NTRK3: variants seen among roughly 807,000 people sequenced by gnomAD.
The protein encoded by NTRK3 is NT-3 growth factor receptor.
NTRK3 carries 24 observed loss-of-function variants against 91.7 expected under a neutral mutation model. The ratio of observed to expected loss-of-function variants is 0.26; its 90% CI spans 0.19 to 0.37. The LOEUF is 0.37. Among genes scored for constraint, NTRK3 ranks in the 10% least tolerant of loss-of-function variants. NTRK3 has a pLI of 1.00. For missense variants in NTRK3, 880 were observed against 1,068.9 expected (o/e 0.82, Z 2.46); for synonymous variants, 483 against 404.0 (o/e 1.20, Z -2.34).
intron 17 of NTRK3, among the ~76,000 whole-genome samples, chr15:87,903,347 G>A (rs1382208377): frequency 6.6e-6 from 1 of 152,206 alleles, no homozygotes; most frequent in Non-Finnish European, 1.5e-5. Flanking sequence ...GTCCCATCAC[G>A]AGACTAGGGC....
chr15:88,136,282 C>G (rs140487201), intron 8 of NTRK3, among the ~76,000 whole-genome samples, 185 bp downstream of exon 8: 4 of 152,210 alleles, frequency 2.6e-5, no homozygotes, highest in Non-Finnish European at 5.9e-5. Context: ...GAAGCAAAAC[C>G]TAAGTTACAG....
At chr15:87,869,063 A>C (rs2064760200) in exon 19 of NTRK3, 1 of 228,918 alleles carries the variant, frequency 4.4e-6, no homozygotes, top group African/African-American at 2.2e-5. Context: ...TATGCTGTGA[A>C]ACTGTCATCA....
At chr15:88,157,263 G>C (rs554626085) in intron 5 of NTRK3, among the ~76,000 whole-genome samples, 2 of 151,346 alleles carry the variant, frequency 1.3e-5, no homozygotes, top group Non-Finnish European at 3.0e-5. Flanking sequence ...ACCATACCAC[G>C]CACACATATT....
chr15:88,117,037 C>G (rs2052172694), intron 13 of NTRK3, among the ~76,000 whole-genome samples: 1 of 152,290 alleles, frequency 6.6e-6, no homozygotes, highest in African/African-American at 2.4e-5. Context: ...GTTCCTCAAC[C>G]TTAGCTGCAC....
intron 13 of NTRK3, among the ~76,000 whole-genome samples, chr15:88,045,807 C>G (rs1226654125): frequency 1.3e-5 from 2 of 152,244 alleles, no homozygotes; most frequent in African/African-American, 4.8e-5. Flanking sequence ...CTTCTCCGCT[C>G]ATCGCATGGC....
exon 19 of NTRK3, chr15:87,861,117 C>G (rs879478509): frequency 8.8e-6 from 2 of 226,064 alleles, no homozygotes; most frequent in Non-Finnish European, 1.8e-5. Flanking sequence ...TTGCCATAAG[C>G]CAGCTAACCC....
At chr15:88,247,963 C>G (rs574928495) in intron 3 of NTRK3, among the ~76,000 whole-genome samples, 63 of 152,242 alleles carry the variant, frequency 4.1e-4, no homozygotes, top group African/African-American at 1.5e-3. Flanking sequence ...GCTTTAGACA[C>G]CCCCCTTTTG....
intron 17 of NTRK3, among the ~76,000 whole-genome samples, chr15:87,908,330 A>T (rs534376388): frequency 6.6e-6 from 1 of 152,220 alleles, no homozygotes; most frequent in South Asian, 2.1e-4. Context: ...GGAAACTTCC[A>T]TGGAAGTTAA....
rs3825882 is a variant in NTRK3, at chr15:88,126,151, G to C, written c.1396+120C>G. On this transcript the variant is annotated intron_variant, in intron 13 of 18. Coordinates refer to ENST00000394480, the Ensembl canonical transcript of NTRK3. ...CAAACAGGAGTTTCCATCAGTACCA[G>C]TTAGACCCCATGACCGGAGGCCCTC... is the stretch of plus-strand genomic sequence containing the variant. The C allele has an allele frequency of 0.5, 380,101 of 753,346 alleles. 99,205 individuals carry two copies. The highest frequency in any genetic ancestry group is 0.75 in the African/African-American group (43,440 of 57,876). 46.7% of individuals were successfully genotyped at this position (753,346 alleles called of 1,614,324 possible).
intron 14 of NTRK3, among the ~76,000 whole-genome samples, chr15:87,992,026 T>C (rs191222918): frequency 7.9e-5 from 12 of 152,052 alleles, no homozygotes; most frequent in African/African-American, 2.9e-4. Flanking sequence ...AACCCTATTT[T>C]AGGGCCACTG....
chr15:87,963,828 A>T (rs1475687015), intron 14 of NTRK3, among the ~76,000 whole-genome samples: 1 of 152,200 alleles, frequency 6.6e-6, no homozygotes, highest in Non-Finnish European at 1.5e-5. Context: ...TATACAAAAC[A>T]GATATACCAA....
At chr15:88,065,148 G>C (rs988614846) in intron 13 of NTRK3, among the ~76,000 whole-genome samples, 9 of 152,182 alleles carry the variant, frequency 5.9e-5, no homozygotes, top group African/African-American at 2.2e-4. Context: ...ACCCATGATA[G>C]AAAGAGGGTA....
chr15:87,865,097 G>C (rs930242590), exon 19 of NTRK3: 2 of 213,660 alleles, frequency 9.4e-6, no homozygotes, highest in African/African-American at 4.5e-5. Flanking sequence ...AGCTGAGAGA[G>C]CCTGAACTTG....
intron 17 of NTRK3, among the ~76,000 whole-genome samples, chr15:87,915,042 ATGGTGATGATGGTGATGGTGGTGG>A (rs1292146699): frequency 6.6e-6 from 1 of 151,646 alleles, no homozygotes. Flanking sequence ...GGCGTTGGTG[ATGGTGATGATGGTGATGGTGGTGG>A]TGGTGATGGT....
chr15:88,210,625 G>C (rs901541503), intron 3 of NTRK3, among the ~76,000 whole-genome samples: 1 of 152,184 alleles, frequency 6.6e-6, no homozygotes, highest in Non-Finnish European at 1.5e-5. Context: ...AGGAGAGAGC[G>C]AACACCTGGA....
At chr15:88,023,218 C>T (rs1279585155) in intron 14 of NTRK3, among the ~76,000 whole-genome samples, 5 of 152,048 alleles carry the variant, frequency 3.3e-5, no homozygotes, top group Non-Finnish European at 7.4e-5. Flanking sequence ...GCCCATGGGC[C>T]CAGGACTTAT....
intron 5 of NTRK3, among the ~76,000 whole-genome samples, chr15:88,178,537 A>T (rs2046198056): frequency 6.6e-6 from 1 of 152,214 alleles, no homozygotes; most frequent in African/African-American, 2.4e-5. Context: ...GATTGAGTGC[A>T]CGTTTGCTTC....
chr15:87,970,750 G>A (rs1176335200), intron 14 of NTRK3, among the ~76,000 whole-genome samples: 2 of 152,108 alleles, frequency 1.3e-5, no homozygotes, highest in African/African-American at 4.8e-5. Flanking sequence ...AAACATTGCT[G>A]CAATCAATAA....
At chr15:87,979,874 G>A (rs1167021605) in intron 14 of NTRK3, among the ~76,000 whole-genome samples, 1 of 152,140 alleles carries the variant, frequency 6.6e-6, no homozygotes, top group African/African-American at 2.4e-5. Context: ...GGGATGGGAG[G>A]AGAAGGCTAT....
Sources: gnomAD v4.1 joint callset for allele counts (sites outside exome capture counted in the v4.1 genomes callset) on GRCh38, gnomAD v4.1.1 for gene constraint, MANE v1.5 for transcripts, NCBI Gene and HGNC (gene_info 2026-07-23, HGNC 2026-07-21) for gene names.